Variants in ZNF438 observed in about 807,000 individuals in gnomAD.
ZNF438 encodes the protein zinc finger protein 438.
Under a neutral mutation model 38.0 loss-of-function variants are expected in ZNF438, and 25 were observed. The observed-to-expected ratio is 0.66, with a 90% confidence interval of 0.48 to 0.92. The LOEUF (loss-of-function observed/expected upper bound fraction) is 0.92, where lower values mean the gene tolerates loss of function less well. ZNF438 is among the 40% of genes least tolerant of loss of function. The pLI is 0.00. For missense variants in ZNF438, 1,007 were observed against 999.6 expected, an observed-to-expected ratio of 1.01 and a Z score of -0.10; for synonymous variants, 372 against 364.1, an observed-to-expected ratio of 1.02 and a Z score of -0.25.
At chr10:30,845,483 A>G (rs2031754094) in exon 6 of ZNF438, 1 of 1,614,214 alleles carries the variant, frequency 6.2e-7, no homozygotes, top group Non-Finnish European at 8.5e-7. Flanking sequence ...AAGACTGAGC[A>G]GTAATCTGAC....
chr10:30,858,877 A>C (rs2035118194), intron 4 of ZNF438, among the ~76,000 whole-genome samples: 1 of 152,094 alleles, frequency 6.6e-6, no homozygotes. Flanking sequence ...GGCCTTTGAG[A>C]TTTGTCTTGT....
At position 30,996,124 on chromosome 10, in the gene ZNF438, G is replaced by A. The variant is rs145311650; in HGVS notation, c.-192+35709C>T. ...AATATATATTTTTAAAAGTAGCAAA[G>A]GAATTAAAGCATCACACTACAATAT... On this transcript the variant is annotated intron_variant, in intron 1 of 5. Coordinates refer to ENST00000413025, the Ensembl canonical transcript of ZNF438. 1.9e-4 allele frequency among the ~76,000 whole-genome samples: 29 copies of A among 151,960 alleles called. No homozygotes were observed. The East Asian group carries it at 4.8e-3, about 25-fold the overall frequency.
At chr10:30,984,781 C>T (rs941199714) in intron 1 of ZNF438, among the ~76,000 whole-genome samples, 5 of 152,092 alleles carry the variant, frequency 3.3e-5, no homozygotes, top group Non-Finnish European at 7.3e-5. Flanking sequence ...ATATTCAGGG[C>T]GCAGCCTTTT....
rs555999556 is a variant in ZNF438 at position 30,986,487 on chromosome 10, A to T, written c.-191-44836T>A. Among the ~76,000 whole-genome samples, 5 of 152,324 alleles carry T rather than the reference A, an allele frequency of 3.3e-5. No homozygotes were observed. The South Asian group carries it at 1.0e-3, about 32-fold the overall frequency. ...TTGTCAACTAGGAATGTGTTGAGCAATCCAAATTTTTCACCATTCTGTACC... is the reference window on the plus strand; with the variant it reads ...TTGTCAACTAGGAATGTGTTGAGCATTCCAAATTTTTCACCATTCTGTACC... On this transcript the variant is annotated intron_variant, in intron 1 of 5. Transcript: ENST00000413025.
At chr10:30,915,133 C>G (rs2043469955) in intron 2 of ZNF438, among the ~76,000 whole-genome samples, 1 of 151,976 alleles carries the variant, frequency 6.6e-6, no homozygotes, top group Non-Finnish European at 1.5e-5. Context: ...TATCATCAGT[C>G]AGACTCTTTA....
chr10:30,935,296 C>T (rs1228009905), intron 2 of ZNF438, among the ~76,000 whole-genome samples: 2 of 152,182 alleles, frequency 1.3e-5, no homozygotes, highest in African/African-American at 2.4e-5. Flanking sequence ...AGAAAAACAG[C>T]CTTCTTTGGC....
chr10:31,013,453 G>A (rs777151415), intron 1 of ZNF438, among the ~76,000 whole-genome samples: 8 of 151,684 alleles, frequency 5.3e-5, no homozygotes, highest in Non-Finnish European at 8.8e-5. Context: ...AATTCCAAAC[G>A]TCCACCACTT....
At chr10:30,890,542 G>A (rs2040553023) in intron 3 of ZNF438, among the ~76,000 whole-genome samples, 3 of 152,086 alleles carry the variant, frequency 2.0e-5, no homozygotes, top group Admixed American at 2.0e-4. Context: ...TGCTCTATGG[G>A]CACCTTTACT....
At chr10:30,845,153 G>A (rs146440415) in exon 6 of ZNF438, 1 of 1,614,184 alleles carries the variant, frequency 6.2e-7, no homozygotes, top group African/African-American at 1.3e-5. Context: ...GAAACGTGTG[G>A]AGGCCAGGAC....
At chr10:30,947,943 C>T (rs1330583076) in intron 1 of ZNF438, among the ~76,000 whole-genome samples, 1 of 152,190 alleles carries the variant, frequency 6.6e-6, no homozygotes, top group African/African-American at 2.4e-5. Context: ...GAACCCAGTA[C>T]CTCAGATGGA....
At chr10:30,885,865 G>A (rs1375073815) in intron 3 of ZNF438, among the ~76,000 whole-genome samples, 12 of 152,238 alleles carry the variant, frequency 7.9e-5, no homozygotes, top group Admixed American at 6.5e-4. Flanking sequence ...ACGAACCTGG[G>A]AAATAAAAAA....
At chr10:30,861,707 T>C (rs1267386070) in intron 4 of ZNF438, among the ~76,000 whole-genome samples, 1 of 152,220 alleles carries the variant, frequency 6.6e-6, no homozygotes, top group Non-Finnish European at 1.5e-5. Context: ...GAAGGAATTG[T>C]TTTTGATTTG....
At chr10:30,871,664 A>C (rs868503021) in intron 4 of ZNF438, among the ~76,000 whole-genome samples, 2 of 152,248 alleles carry the variant, frequency 1.3e-5, no homozygotes, top group Admixed American at 6.5e-5. Flanking sequence ...ATACACTTTT[A>C]TGTCTGCAAG....
At chr10:30,954,395 C>T (rs140531305) in intron 1 of ZNF438, among the ~76,000 whole-genome samples, 7 of 152,292 alleles carry the variant, frequency 4.6e-5, no homozygotes, top group Admixed American at 4.6e-4. Context: ...TTCAGAGTTA[C>T]AGAATTACTA....
chr10:30,888,256 C>A (rs781747491), intron 3 of ZNF438, among the ~76,000 whole-genome samples: 1 of 151,818 alleles, frequency 6.6e-6, no homozygotes, highest in Non-Finnish European at 1.5e-5. Flanking sequence ...AAAAAAACTA[C>A]CTCTTCTAAG....
intron 1 of ZNF438, among the ~76,000 whole-genome samples, chr10:30,989,950 A>T (rs570010881): frequency 1.1e-3 from 162 of 152,306 alleles, no homozygotes; most frequent in African/African-American, 3.7e-3. Context: ...AGAAAACATG[A>T]TCACCCCTTA....
intron 1 of ZNF438, among the ~76,000 whole-genome samples, chr10:31,027,003 C>A (rs2487455): frequency 0.75 from 113,425 of 151,454 alleles, 43,053 homozygotes; most frequent in African/African-American, 0.83. Flanking sequence ...CAGAAAACCA[C>A]ACACCACATG....
At chr10:30,862,920 A>AG (rs1479298707) in intron 4 of ZNF438, among the ~76,000 whole-genome samples, 1 of 152,202 alleles carries the variant, frequency 6.6e-6, no homozygotes, top group African/African-American at 2.4e-5. Flanking sequence ...TATCTAAAAG[A>AG]GGTATTTTTG....
At chr10:30,927,522 T>G (rs530431131) in intron 2 of ZNF438, among the ~76,000 whole-genome samples, 10 of 152,356 alleles carry the variant, frequency 6.6e-5, no homozygotes, top group Admixed American at 5.2e-4. Flanking sequence ...CTAAAGATTC[T>G]TCAATATGCT....
Sources: gnomAD v4.1 joint callset for allele counts (sites outside exome capture counted in the v4.1 genomes callset) on GRCh38, gnomAD v4.1.1 for gene constraint, MANE v1.5 for transcripts, NCBI Gene and HGNC (gene_info 2026-07-23, HGNC 2026-07-21) for gene names.